Variants in KLHL29 observed in about 807,000 individuals in gnomAD.
The protein encoded by KLHL29 is kelch-like protein 29.
In KLHL29, 21 loss-of-function variants were observed where a neutral mutation model predicts 80.4. The ratio of observed to expected loss-of-function variants is 0.26; its 90% CI spans 0.19 to 0.38. The LOEUF is 0.38. Among genes scored for constraint, KLHL29 ranks in the 10% least tolerant of loss-of-function variants. The pLI is 1.00. For missense variants in KLHL29, 867 were observed against 1,223.9 expected, an observed-to-expected ratio of 0.71 and a Z score of 4.35; for synonymous variants, 511 against 526.8, an observed-to-expected ratio of 0.97 and a Z score of 0.41.
At chr2:23,525,220 T>C (rs1203315284) in intron 2 of KLHL29, among the ~76,000 whole-genome samples, 1 of 152,204 alleles carries the variant, frequency 6.6e-6, no homozygotes, top group Non-Finnish European at 1.5e-5. Context: ...GAATACAGGC[T>C]AAGGCCAGGC....
intron 5 of KLHL29, among the ~76,000 whole-genome samples, chr2:23,683,433 C>G (rs961540137): frequency 1.3e-5 from 2 of 152,186 alleles, no homozygotes; most frequent in Non-Finnish European, 2.9e-5. Context: ...GAGCAGTGGT[C>G]AACTGAAGGC....
intron 6 of KLHL29, among the ~76,000 whole-genome samples, chr2:23,686,913 T>C (rs1671287046): frequency 6.6e-6 from 1 of 152,138 alleles, no homozygotes; most frequent in Admixed American, 6.5e-5. Flanking sequence ...AGAGCACACA[T>C]GACCAAGAAG....
At chr2:23,427,478 G>A (rs537155940) in intron 1 of KLHL29, among the ~76,000 whole-genome samples, 1 of 152,200 alleles carries the variant, frequency 6.6e-6, no homozygotes, top group Non-Finnish European at 1.5e-5. Context: ...GTAACTTTGA[G>A]TTCTCTGTGA....
Position 23,696,197 on chromosome 2 carries a change from T to A in KLHL29, c.1924+64T>A. 1 of 1,511,502 alleles carries A rather than the reference T, an allele frequency of 6.6e-7. No individual in the cohort carries two copies. Among genetic ancestry groups the A allele is most frequent in the Non-Finnish European group, 8.9e-7 (1 of 1,119,018 alleles). 93.6% of individuals were successfully genotyped at this position (1,511,502 alleles called of 1,614,324 possible). A position where few individuals can be genotyped will look rare whatever the true frequency, so the allele number is the denominator to read the frequency against. ...GGTCCCAAGGGGACTGCTCCCCACG[T>A]CAGGGCTGAGGAAGGCCATGGCCCA... On this transcript the variant is annotated intron_variant, in intron 10 of 13. Coordinates refer to ENST00000486442, the MANE Select transcript of KLHL29 (RefSeq NM_052920.2). This position sits in a 1 kb window ranked among gnomAD's most constrained non-coding sequence, Gnocchi z 5.5.
chr2:23,433,904 G>GC (rs1225632642), intron 1 of KLHL29, among the ~76,000 whole-genome samples: 1 of 152,062 alleles, frequency 6.6e-6, no homozygotes, highest in Non-Finnish European at 1.5e-5. Context: ...GGGCAATAGA[G>GC]CAAGACCATG....
intron 1 of KLHL29, among the ~76,000 whole-genome samples, chr2:23,404,597 A>G (rs1320635864): frequency 6.6e-6 from 1 of 152,156 alleles, no homozygotes; most frequent in Non-Finnish European, 1.5e-5. Flanking sequence ...CTACTGTAAA[A>G]ACGATTTGTT....
intron 1 of KLHL29, among the ~76,000 whole-genome samples, chr2:23,424,207 T>C (rs1044135181): frequency 3.9e-5 from 6 of 152,220 alleles, no homozygotes; most frequent in Non-Finnish European, 7.3e-5. Context: ...AAATTACCTA[T>C]TGTAAAAGTC....
intron 1 of KLHL29, among the ~76,000 whole-genome samples, chr2:23,398,424 A>G (rs777547342): frequency 1.1e-4 from 16 of 152,282 alleles, no homozygotes; most frequent in Non-Finnish European, 2.2e-4. Flanking sequence ...GATTGGATTC[A>G]CAGACAGAGG....
chr2:23,604,034 G>C (rs1305007879), intron 3 of KLHL29, among the ~76,000 whole-genome samples: 1 of 152,248 alleles, frequency 6.6e-6, no homozygotes, highest in Non-Finnish European at 1.5e-5. Context: ...CTGGTCTTCA[G>C]TGCTCAGGGT....
At chr2:23,595,671 TGGG>T (rs1011551823) in intron 3 of KLHL29, among the ~76,000 whole-genome samples, 1 of 152,102 alleles carries the variant, frequency 6.6e-6, no homozygotes, top group Admixed American at 6.5e-5. Flanking sequence ...CCTGGTCACT[TGGG>T]GGGCAGAGGA....
At chr2:23,521,209 ATTCC>A (rs536035425) in intron 2 of KLHL29, among the ~76,000 whole-genome samples, 138 of 152,226 alleles carry the variant, frequency 9.1e-4, no homozygotes, top group African/African-American at 3.1e-3. Context: ...CCCCAAGGGC[ATTCC>A]TTGTGGCCAT....
At chr2:23,481,353 T>C (rs144320966) in intron 2 of KLHL29, among the ~76,000 whole-genome samples, 8 of 152,368 alleles carry the variant, frequency 5.3e-5, no homozygotes, top group African/African-American at 1.7e-4. Flanking sequence ...CTCTCCTACT[T>C]TTGATTTATG....
At chr2:23,397,278 C>T (rs1369008424) in intron 1 of KLHL29, among the ~76,000 whole-genome samples, 1 of 152,248 alleles carries the variant, frequency 6.6e-6, no homozygotes, top group Non-Finnish European at 1.5e-5. Context: ...GGCCCTTGCC[C>T]CTCCCCACAG....
intron 2 of KLHL29, among the ~76,000 whole-genome samples, chr2:23,494,349 G>A (rs1665193692): frequency 6.6e-6 from 1 of 152,186 alleles, no homozygotes; most frequent in Admixed American, 6.5e-5. Context: ...CCAAAATGAA[G>A]GTCTGGGAAG....
At chr2:23,534,922 G>C (rs187745864) in intron 2 of KLHL29, among the ~76,000 whole-genome samples, 1 of 152,118 alleles carries the variant, frequency 6.6e-6, no homozygotes, top group Admixed American at 6.5e-5. Context: ...CAGCAGTATC[G>C]ACTGGCCCTA....
At chr2:23,523,679 T>C (rs1187137226) in intron 2 of KLHL29, among the ~76,000 whole-genome samples, 1 of 152,180 alleles carries the variant, frequency 6.6e-6, no homozygotes, top group African/African-American at 2.4e-5. Context: ...TCAACAAACA[T>C]TGAGGAAGTA....
At chr2:23,563,090 G>A (rs1191526582) in intron 3 of KLHL29, among the ~76,000 whole-genome samples, 2 of 152,246 alleles carry the variant, frequency 1.3e-5, no homozygotes, top group East Asian at 3.8e-4. Context: ...TTTCTGCAGA[G>A]GACCCAGGAC....
At chr2:23,581,524 G>A (rs956528985) in intron 3 of KLHL29, among the ~76,000 whole-genome samples, 1 of 152,016 alleles carries the variant, frequency 6.6e-6, no homozygotes, top group African/African-American at 2.4e-5. Flanking sequence ...CATTGTGCTG[G>A]GGCTTTTTAA....
In KLHL29 at chr2:23,696,962, T is replaced by A; in HGVS notation, c.2105+449T>A. 1 of 162,710 alleles carries A rather than the reference T, an allele frequency of 6.1e-6. No homozygotes were observed. 10.1% of individuals were successfully genotyped at this position (162,710 alleles called of 1,614,324 possible). On this transcript the variant is annotated intron_variant, in intron 11 of 13. Transcript: ENST00000486442. This position sits in a 1 kb window ranked among gnomAD's most constrained non-coding sequence, Gnocchi z 5.5. The stretch of plus-strand genomic sequence containing the variant: ...TGCCAGTGGCGGTGCCTCCTTGTCC[T>A]GCCAAGCGGGGGGTCCCACACCAGG...
Sources: allele counts gnomAD v4.1 joint callset (sites outside exome capture counted in the v4.1 genomes callset), GRCh38; gene constraint gnomAD v4.1.1; non-coding constraint Gnocchi (gnomAD v3.1); transcripts MANE v1.5; gene names NCBI Gene and HGNC (gene_info 2026-07-23, HGNC 2026-07-21).